Variants in PHLPP1 observed in about 807,000 individuals in gnomAD.
PHLPP1 encodes PH domain and leucine rich repeat protein phosphatase 1, also known as PH domain leucine-rich repeat-containing protein phosphatase 1.
In PHLPP1, 42 loss-of-function variants were observed where a neutral mutation model predicts 117.2. That is an observed-to-expected ratio of 0.36 (90% CI 0.28 to 0.46). PHLPP1 has a LOEUF of 0.46. PHLPP1 is among the 20% of genes least tolerant of loss of function. PHLPP1 has a pLI of 1.00. For synonymous variants in PHLPP1, 1,042 were observed against 970.7 expected, an observed-to-expected ratio of 1.07 and a Z score of -1.37; for missense variants, 2,084 against 2,241.9, an observed-to-expected ratio of 0.93 and a Z score of 1.42.
chr18:62,824,667 AGGT>A (rs1650328458), intron 1 of PHLPP1, among the ~76,000 whole-genome samples: 1 of 152,206 alleles, frequency 6.6e-6, no homozygotes, highest in African/African-American at 2.4e-5. Context: ...GATTTTTAAA[AGGT>A]GGACGTTTCT....
rs559744298 is a variant in PHLPP1, at chr18:62,884,570, C to T, written c.2067-10441C>T. The stretch of plus-strand genomic sequence containing the variant: ...TGCAAAGTAGGGGGCAGGCCCAGAG[C>T]GACGCTTACAAGTCCAGCCGTTGAG... On this transcript the variant is annotated intron_variant, in intron 4 of 16. Coordinates refer to ENST00000262719, the MANE Select transcript of PHLPP1 (RefSeq NM_194449.4). Among the ~76,000 whole-genome samples the T allele has an allele frequency of 1.1e-3, 175 of 152,334 alleles. 1 individual carries two copies. The highest frequency in any genetic ancestry group is 3.9e-3 in the African/African-American group (161 of 41,580).
intron 1 of PHLPP1, among the ~76,000 whole-genome samples, chr18:62,814,673 A>G (rs1416909616): frequency 2.0e-5 from 3 of 152,158 alleles, no homozygotes; most frequent in African/African-American, 7.2e-5. Context: ...TATAGTGATC[A>G]TACTTTTCTT....
At chr18:62,750,263 G>A (rs912269269) in intron 1 of PHLPP1, among the ~76,000 whole-genome samples, 1 of 152,016 alleles carries the variant, frequency 6.6e-6, no homozygotes, top group African/African-American at 2.4e-5. Flanking sequence ...TTGTTATTAC[G>A]TGCAGTTATG....
At chr18:62,828,006 A>ATT (rs1402031114) in intron 1 of PHLPP1, among the ~76,000 whole-genome samples, 5 of 114,408 alleles carry the variant, frequency 4.4e-5, no homozygotes, top group Non-Finnish European at 9.3e-5. Context: ...ACTTCTTTGC[A>ATT]TTTGTGTGTG....
chr18:62,928,242 C>T (rs908453045), intron 10 of PHLPP1, among the ~76,000 whole-genome samples: 2 of 151,970 alleles, frequency 1.3e-5, no homozygotes, highest in Admixed American at 1.3e-4. Flanking sequence ...TCAAAGGATA[C>T]CATCAAGAAA....
At chr18:62,823,348 G>A (rs1914520118) in intron 1 of PHLPP1, among the ~76,000 whole-genome samples, 1 of 152,010 alleles carries the variant, frequency 6.6e-6, no homozygotes, top group Non-Finnish European at 1.5e-5. Context: ...AGCATTGTTT[G>A]AGTGCAGGAA....
intron 10 of PHLPP1, among the ~76,000 whole-genome samples, chr18:62,937,185 A>G (rs1279843517): frequency 6.6e-6 from 1 of 152,254 alleles, no homozygotes; most frequent in Non-Finnish European, 1.5e-5. Flanking sequence ...AACAAAAAAT[A>G]TATAGATGAG....
At chr18:62,799,720 A>G (rs1295545163) in intron 1 of PHLPP1, among the ~76,000 whole-genome samples, 1 of 152,194 alleles carries the variant, frequency 6.6e-6, no homozygotes, top group Admixed American at 6.5e-5. Context: ...CTACAGCAGA[A>G]GTGCAGTTCT....
intron 1 of PHLPP1, among the ~76,000 whole-genome samples, chr18:62,776,075 T>A (rs187345018): frequency 6.6e-5 from 10 of 151,976 alleles, no homozygotes; most frequent in Non-Finnish European, 1.3e-4. Flanking sequence ...TAAAAAAATA[T>A]ATATATAAAG....
At chr18:62,971,756 G>T (rs566978999) in intron 14 of PHLPP1, among the ~76,000 whole-genome samples, 1 of 152,296 alleles carries the variant, frequency 6.6e-6, no homozygotes, top group Non-Finnish European at 1.5e-5. Context: ...TCATTTGAAG[G>T]CTGGACATAG....
At chr18:62,746,341 G>A (rs930565015) in intron 1 of PHLPP1, among the ~76,000 whole-genome samples, 2 of 152,110 alleles carry the variant, frequency 1.3e-5, no homozygotes, top group Non-Finnish European at 2.9e-5. Flanking sequence ...CACCACGCCC[G>A]GCCAAAACTA....
chr18:62,950,480 C>T (rs1251003266), intron 12 of PHLPP1, among the ~76,000 whole-genome samples: 1 of 152,158 alleles, frequency 6.6e-6, no homozygotes, highest in Non-Finnish European at 1.5e-5. Context: ...TGTTGTTGTT[C>T]TTGTCTCTAA....
chr18:62,972,036 A>G (rs1911063746), intron 14 of PHLPP1, among the ~76,000 whole-genome samples: 1 of 145,754 alleles, frequency 6.9e-6, no homozygotes, highest in African/African-American at 2.8e-5. Context: ...ACCCTGTCTC[A>G]AAAAAAAATA....
Position 62,716,230 on chromosome 18 carries a change from C to A in PHLPP1, c.547C>A (p.Gln183Lys). 1 of 1,528,818 alleles carries A rather than the reference C, an allele frequency of 6.5e-7. No homozygotes were observed. The highest frequency in any genetic ancestry group is 1.2e-5 in the South Asian group (1 of 83,072). The allele number at this position is 1,528,818 out of a possible 1,614,324, so 94.7% of individuals were successfully genotyped here. Reference sequence around the variant, plus strand: ...GAAGACGCTGCTTCTGAAGCACCGGCAGACGCTGCAGCTGCAGCCGTCGGA... The same window carrying A: ...GAAGACGCTGCTTCTGAAGCACCGGAAGACGCTGCAGCTGCAGCCGTCGGA... Reference protein sequence around the residue: ...DRKTLLLKHRQTLQLQPSDRD... With the variant: ...DRKTLLLKHRKTLQLQPSDRD... Residue 183 changes from glutamine to lysine, a missense_variant, in exon 1 of 17, where the codon CAG becomes AAG. Gln to Lys is a moderately conservative substitution (Grantham distance 53). Around this residue, in one of 2 missense-constraint regions of PHLPP1, gnomAD observed 719 missense variants for 636.0 expected, o/e 1.13. Transcript: ENST00000262719. This position sits in a 1 kb window ranked among gnomAD's most constrained non-coding sequence, Gnocchi z 5.7.
intron 1 of PHLPP1, among the ~76,000 whole-genome samples, chr18:62,760,691 A>G (rs752648560): frequency 9.9e-5 from 15 of 152,102 alleles, no homozygotes; most frequent in Non-Finnish European, 1.3e-4. Flanking sequence ...AAACTAGAGG[A>G]CATAATTTAA....
At chr18:62,828,666 AT>A (rs375414295) in intron 1 of PHLPP1, among the ~76,000 whole-genome samples, 1 of 152,132 alleles carries the variant, frequency 6.6e-6, no homozygotes, top group Non-Finnish European at 1.5e-5. Flanking sequence ...CTTGTTATTT[AT>A]TTTTAGAGCT....
rs1350705480 is a variant in PHLPP1, at chr18:62,978,799, C to T, written c.4522C>T (p.Pro1508Ser). The change falls in exon 17 of 17, where the codon CCT (proline) becomes TCT (serine). Residue 1508 changes from proline (P) to serine (S), a missense_variant. Pro to Ser is a moderately conservative substitution (Grantham distance 74). Transcript: ENST00000262719. This position sits in a 1 kb window ranked among gnomAD's most constrained non-coding sequence, Gnocchi z 7.0. ...GCCCGGAGCCCTAAGCGAGAACAGC[C>T]CTGCCTACCCCAGTGAGCAGCGCTG... Reference protein sequence around the residue: ...PPPGALSENSPAYPSEQRCML... With the variant: ...PPPGALSENSSAYPSEQRCML... 9 of 1,611,960 alleles carry T rather than the reference C, an allele frequency of 5.6e-6. No individual in the cohort carries two copies. In the African/African-American group the frequency reaches 8.0e-5, roughly 14 times the overall value.
At chr18:62,899,611 C>T (rs1372587683) in intron 6 of PHLPP1, among the ~76,000 whole-genome samples, 1 of 152,198 alleles carries the variant, frequency 6.6e-6, no homozygotes, top group Non-Finnish European at 1.5e-5. Context: ...ACTCTCCTTA[C>T]TAAATTGTGA....
At chr18:62,742,636 G>A (rs572890499) in intron 1 of PHLPP1, among the ~76,000 whole-genome samples, 28 of 152,222 alleles carry the variant, frequency 1.8e-4, no homozygotes, top group Non-Finnish European at 2.5e-4. Flanking sequence ...GGGTTTCACC[G>A]TGTTGGTCAG....
Sources: gnomAD v4.1 joint callset for allele counts (sites outside exome capture counted in the v4.1 genomes callset) on GRCh38, gnomAD v4.1.1 for gene constraint, gnomAD v4.1.1 regional missense constraint, Gnocchi (gnomAD v3.1) non-coding constraint, MANE v1.5 for transcripts, NCBI Gene and HGNC (gene_info 2026-07-23, HGNC 2026-07-21) for gene names.